The following NR1H4 variants were observed in gnomAD, a reference collection of about 807,000 sequenced individuals.
NR1H4 encodes nuclear receptor subfamily 1 group H member 4.
Under a neutral mutation model 58.5 loss-of-function variants are expected in NR1H4, and 23 were observed. That is an observed-to-expected ratio of 0.39 (90% CI 0.28 to 0.56). The LOEUF is 0.56. Among genes scored for constraint, NR1H4 ranks in the 20% least tolerant of loss-of-function variants. The pLI, the probability that NR1H4 is intolerant of heterozygous loss-of-function variation, is 0.58. For missense variants in NR1H4, 487 were observed against 576.9 expected, an observed-to-expected ratio of 0.84 and a Z score of 1.60; for synonymous variants, 214 against 198.0, an observed-to-expected ratio of 1.08 and a Z score of -0.68.
chr12:100,530,909 C>T (rs1353704241), intron 4 of NR1H4, among the ~76,000 whole-genome samples: 1 of 152,168 alleles, frequency 6.6e-6, no homozygotes, highest in Non-Finnish European at 1.5e-5. Flanking sequence ...CTTTGTGTCT[C>T]ACTTTCACCC....
chr12:100,505,041 A>G (rs1020080571), intron 3 of NR1H4, among the ~76,000 whole-genome samples: 1 of 152,110 alleles, frequency 6.6e-6, no homozygotes, highest in African/African-American at 2.4e-5. Context: ...ACAGCAAACA[A>G]CTTTGCAGTA....
chr12:100,478,871 G>A (rs1426786775), intron 1 of NR1H4, among the ~76,000 whole-genome samples: 1 of 152,178 alleles, frequency 6.6e-6, no homozygotes, highest in East Asian at 1.9e-4. Flanking sequence ...AGCAATATGT[G>A]AGAATGCATA....
At chr12:100,548,315 C>G (rs541985194) in intron 9 of NR1H4, among the ~76,000 whole-genome samples, 10 of 150,676 alleles carry the variant, frequency 6.6e-5, no homozygotes, top group African/African-American at 2.2e-4. Flanking sequence ...TTCAGTGAGC[C>G]AAGATTGCAC....
chr12:100,506,002 A>AACACACACACAC (rs398020830), intron 3 of NR1H4, among the ~76,000 whole-genome samples: 16 of 141,134 alleles, frequency 1.1e-4, no homozygotes, highest in South Asian at 4.7e-4. Flanking sequence ...AAGTGTTTAT[A>AACACACACACAC]ACACACACAC....
At chr12:100,496,124 G>A (rs532250128) in intron 3 of NR1H4, among the ~76,000 whole-genome samples, 4 of 152,188 alleles carry the variant, frequency 2.6e-5, no homozygotes, top group East Asian at 1.9e-4. Flanking sequence ...TTCAAATATC[G>A]GACACTGACA....
intron 9 of NR1H4, among the ~76,000 whole-genome samples, chr12:100,549,204 G>A (rs1244867707): frequency 6.6e-6 from 1 of 152,134 alleles, no homozygotes; most frequent in Non-Finnish European, 1.5e-5. Flanking sequence ...CGGGCATGGT[G>A]GCATGTGCCG....
intron 3 of NR1H4, chr12:100,499,747 A>G: frequency 2.4e-6 from 1 of 423,112 alleles, no homozygotes; most frequent in South Asian, 1.7e-5. Flanking sequence ...ATATTAACTT[A>G]CAACAATAAA....
intron 8 of NR1H4, among the ~76,000 whole-genome samples, chr12:100,538,241 G>A (rs1484119429): frequency 6.6e-6 from 1 of 152,104 alleles, no homozygotes; most frequent in Non-Finnish European, 1.5e-5. Context: ...TGAAGTTTTT[G>A]TTATACAGAA....
chr12:100,539,149 C>G (rs954111902), intron 8 of NR1H4, among the ~76,000 whole-genome samples: 1 of 152,004 alleles, frequency 6.6e-6, no homozygotes, highest in African/African-American at 2.4e-5. Flanking sequence ...TGCCTAGCCT[C>G]GTTCCTGAGG....
At chr12:100,494,682 A>G (rs1270687859) in intron 3 of NR1H4, among the ~76,000 whole-genome samples, 2 of 152,340 alleles carry the variant, frequency 1.3e-5, no homozygotes, top group Non-Finnish European at 2.9e-5. Context: ...CCACTTGACC[A>G]TTTGCTTCTG....
At chr12:100,542,713 G>A (rs945330685) in intron 9 of NR1H4, among the ~76,000 whole-genome samples, 5 of 152,174 alleles carry the variant, frequency 3.3e-5, no homozygotes, top group African/African-American at 1.2e-4. Flanking sequence ...TTCTGCATCT[G>A]TGATATAAGT....
chr12:100,478,825 G>T (rs562272172), intron 1 of NR1H4, among the ~76,000 whole-genome samples: 2 of 152,128 alleles, frequency 1.3e-5, no homozygotes, highest in Non-Finnish European at 2.9e-5. Context: ...CACTGCTAAA[G>T]AGCCCTCCAA....
intron 3 of NR1H4, among the ~76,000 whole-genome samples, chr12:100,500,399 C>T (rs1287743677): frequency 1.3e-5 from 2 of 152,168 alleles, no homozygotes; most frequent in Non-Finnish European, 2.9e-5. Flanking sequence ...CCGAACAGTG[C>T]CATCAGATAG....
At chr12:100,509,717 T>C (rs1260499471) in intron 3 of NR1H4, among the ~76,000 whole-genome samples, 1 of 152,246 alleles carries the variant, frequency 6.6e-6, no homozygotes, top group African/African-American at 2.4e-5. Flanking sequence ...TGTATTCTTT[T>C]TTTTAAAGCT....
intron 3 of NR1H4, among the ~76,000 whole-genome samples, chr12:100,508,697 A>C (rs1566442911): frequency 6.6e-6 from 1 of 152,154 alleles, no homozygotes; most frequent in Non-Finnish European, 1.5e-5. Flanking sequence ...AGAACTCTAT[A>C]AAAGTTTTCT....
chr12:100,555,518 C>T (rs1955302807), intron 9 of NR1H4, among the ~76,000 whole-genome samples: 2 of 152,124 alleles, frequency 1.3e-5, no homozygotes, highest in South Asian at 4.1e-4. Flanking sequence ...TAATCTAAGA[C>T]TTAAGATGAA....
At chr12:100,505,649 C>A (rs10492317) in intron 3 of NR1H4, 14 of 699,932 alleles carry the variant, frequency 2.0e-5, no homozygotes, top group Non-Finnish European at 3.6e-5. Context: ...CATGGAGAAC[C>A]GTCACAAAGG....
chr12:100,515,433 A>G (rs1954240622), intron 4 of NR1H4, among the ~76,000 whole-genome samples: 1 of 151,860 alleles, frequency 6.6e-6, no homozygotes, highest in Non-Finnish European at 1.5e-5. Context: ...CAGCCTCCCA[A>G]AGTGCTGGGA....
At chr12:100,535,575 G>A (rs539751652) in intron 6 of NR1H4, among the ~76,000 whole-genome samples, 1 of 152,190 alleles carries the variant, frequency 6.6e-6, no homozygotes, top group Admixed American at 6.5e-5. Context: ...ACATTTGATG[G>A]AATTTTATTT....
Sources: gnomAD v4.1 joint callset for allele counts (sites outside exome capture counted in the v4.1 genomes callset) on GRCh38, gnomAD v4.1.1 for gene constraint, MANE v1.5 for transcripts, NCBI Gene and HGNC (gene_info 2026-07-23, HGNC 2026-07-21) for gene names.